CDH11: variants seen among roughly 807,000 people sequenced by gnomAD.
CDH11 encodes cadherin 11, also known as cadherin-11.
Under a neutral mutation model 67.8 loss-of-function variants are expected in CDH11, and 11 were observed. The ratio of observed to expected loss-of-function variants is 0.16; its 90% CI spans 0.10 to 0.27. The LOEUF (loss-of-function observed/expected upper bound fraction) is 0.27. CDH11 is among the 10% of genes least tolerant of loss of function. The pLI is 1.00. For missense variants in CDH11, 847 were observed against 1,031.2 expected (o/e 0.82, Z 2.45); for synonymous variants, 419 against 400.0 (o/e 1.05, Z -0.57).
chr16:65,021,380 T>C (rs2073420423), intron 2 of CDH11, among the ~76,000 whole-genome samples: 1 of 152,144 alleles, frequency 6.6e-6, no homozygotes, highest in Admixed American at 6.5e-5. Flanking sequence ...CCTCTGTTTT[T>C]CCCAAGGACT....
intron 1 of CDH11, among the ~76,000 whole-genome samples, chr16:65,064,241 T>A (rs1436556147): frequency 6.6e-6 from 1 of 152,254 alleles, no homozygotes; most frequent in Non-Finnish European, 1.5e-5. Context: ...TGGCATAAGA[T>A]GCAGCTGCAA....
At chr16:64,979,362 G>A (rs1384519396) in intron 8 of CDH11, among the ~76,000 whole-genome samples, 2 of 152,132 alleles carry the variant, frequency 1.3e-5, no homozygotes, top group Non-Finnish European at 2.9e-5. Context: ...CACAAGACTC[G>A]CCCGAGCCTG....
chr16:65,089,235 T>G (rs2074751219), intron 1 of CDH11, among the ~76,000 whole-genome samples: 1 of 152,166 alleles, frequency 6.6e-6, no homozygotes, highest in East Asian at 1.9e-4. Flanking sequence ...CCTCCAACTC[T>G]GGGTTCCTAG....
intron 8 of CDH11, among the ~76,000 whole-genome samples, chr16:64,974,256 T>C (rs1305249455): frequency 2.0e-5 from 3 of 152,182 alleles, no homozygotes; most frequent in Non-Finnish European, 4.4e-5. Context: ...AAATGGGTTA[T>C]GTTAATTCAG....
chr16:64,959,260 A>G (rs2071606825), intron 11 of CDH11, among the ~76,000 whole-genome samples: 1 of 152,202 alleles, frequency 6.6e-6, no homozygotes, highest in African/African-American at 2.4e-5. Flanking sequence ...CGAAGTATGC[A>G]GTTTGTTAGC....
At chr16:65,059,379 C>T (rs947833188) in intron 1 of CDH11, 1 of 152,186 alleles carries the variant, frequency 6.6e-6, no homozygotes, top group African/African-American at 2.4e-5. Flanking sequence ...CTACGATTAT[C>T]TTCATTTCTA....
Position 64,947,829 on chromosome 16 carries a change from T to C in CDH11, c.2165A>G (p.Asn722Ser), listed in dbSNP as rs760646137. The change falls in exon 13 of 13, where the codon AAC (asparagine) becomes AGC (serine). Residue 722 changes from asparagine (N) to serine (S), a missense_variant. Around this residue, in one of 2 missense-constraint regions of CDH11, gnomAD observed 612 missense variants for 678.7 expected, o/e 0.90. Coordinates refer to ENST00000268603, the MANE Select transcript of CDH11 (RefSeq NM_001797.4). ...PNSVDVDDFI[N>S]TRIQEADNDP... ...ATTGTCTGCCTCCTGTATTCTCGTG[T>C]TGATGAAGTCATCGACATCCACGCT... 6.2e-6 allele frequency: 10 copies of C among 1,614,176 alleles called. No homozygotes were observed. The highest frequency in any genetic ancestry group is 1.1e-5 in the South Asian group (1 of 91,082).
chr16:65,021,335 T>C (rs1455000880), intron 2 of CDH11, among the ~76,000 whole-genome samples: 2 of 152,102 alleles, frequency 1.3e-5, no homozygotes, highest in African/African-American at 2.4e-5. Context: ...ATAAGGAAAA[T>C]AGAGGTTTTT....
intron 4 of CDH11, among the ~76,000 whole-genome samples, chr16:64,995,033 G>A (rs929418855): frequency 7.9e-5 from 12 of 152,074 alleles, no homozygotes; most frequent in South Asian, 2.1e-4. Flanking sequence ...GGAGAATTTC[G>A]AAACACTGCT....
chr16:65,093,386 T>C (rs2074828029), intron 1 of CDH11, among the ~76,000 whole-genome samples: 1 of 151,936 alleles, frequency 6.6e-6, no homozygotes, highest in South Asian at 2.1e-4. Context: ...TGTCTGGTGC[T>C]GCAAAAGGAG....
chr16:65,096,947 T>G lies in CDH11; in HGVS notation c.-298+24933A>C, dbSNP rs181043210. ...AATTCGTTAAATAACTAGAAGACTA[T>G]GCTTTCAGTTTGATTTTTTTTTGAC... On this transcript the variant is annotated intron_variant, in intron 1 of 12. Coordinates refer to ENST00000268603, the MANE Select transcript of CDH11 (RefSeq NM_001797.4). 6.7e-3 allele frequency among the ~76,000 whole-genome samples: 1,011 copies of G among 151,950 alleles called. 18 individuals are homozygous for G. Among genetic ancestry groups the G allele is most frequent in the African/African-American group, 0.024 (978 of 41,338 alleles).
intron 6 of CDH11, chr16:64,991,526 ATTTT>A: frequency 4.4e-6 from 2 of 451,512 alleles, no homozygotes; most frequent in Non-Finnish European, 8.1e-6. Flanking sequence ...CAAAAACGAT[ATTTT>A]GTTTCCAGGG....
chr16:64,956,919 G>A (rs527597757), intron 11 of CDH11, among the ~76,000 whole-genome samples: 39 of 152,230 alleles, frequency 2.6e-4, no homozygotes, highest in African/African-American at 9.4e-4. Context: ...GATGGAGAGA[G>A]AAAGAAGACC....
intron 6 of CDH11, among the ~76,000 whole-genome samples, chr16:64,990,541 A>T (rs547627717): frequency 6.6e-6 from 1 of 152,308 alleles, no homozygotes; most frequent in South Asian, 2.1e-4. Context: ...CTGTCCATTC[A>T]TACACATCTG....
chr16:65,090,425 A>G (rs1007678199), intron 1 of CDH11, among the ~76,000 whole-genome samples: 7 of 152,136 alleles, frequency 4.6e-5, no homozygotes, highest in African/African-American at 1.7e-4. Flanking sequence ...CAAGAAAATA[A>G]CAAGTCTTGG....
At chr16:65,016,034 A>G (rs1205683204) in intron 2 of CDH11, among the ~76,000 whole-genome samples, 1 of 152,198 alleles carries the variant, frequency 6.6e-6, no homozygotes, top group Non-Finnish European at 1.5e-5. Context: ...AATGATCAGA[A>G]ACTTGACTTT....
intron 2 of CDH11, among the ~76,000 whole-genome samples, chr16:65,008,021 A>C (rs2073096671): frequency 6.6e-6 from 1 of 152,238 alleles, no homozygotes; most frequent in African/African-American, 2.4e-5. Context: ...CAAGTATTAA[A>C]TGCTCATTCA....
chr16:65,063,214 G>A (rs916620894), intron 1 of CDH11, among the ~76,000 whole-genome samples: 3 of 152,104 alleles, frequency 2.0e-5, no homozygotes, highest in African/African-American at 7.2e-5. Context: ...ATGTAAATGT[G>A]ACTGCACACA....
chr16:65,021,262 T>A (rs916114273), intron 2 of CDH11, among the ~76,000 whole-genome samples: 1 of 152,188 alleles, frequency 6.6e-6, no homozygotes, highest in African/African-American at 2.4e-5. Flanking sequence ...GGTAACTGAA[T>A]GCAAAACAGA....
Sources: gnomAD v4.1 joint callset for allele counts (sites outside exome capture counted in the v4.1 genomes callset) on GRCh38, gnomAD v4.1.1 for gene constraint, gnomAD v4.1.1 regional missense constraint, MANE v1.5 for transcripts, NCBI Gene and HGNC (gene_info 2026-07-23, HGNC 2026-07-21) for gene names.